INO80: variants seen among roughly 807,000 people sequenced by gnomAD.
INO80 encodes the protein INO80 complex ATPase subunit.
A neutral mutation model predicts 203.4 loss-of-function variants in INO80; 20 were observed. The ratio of observed to expected loss-of-function variants is 0.10; its 90% confidence interval spans 0.07 to 0.14. The LOEUF (loss-of-function observed/expected upper bound fraction) is 0.14, where lower values mean the gene tolerates loss of function less well. INO80 is among the 10% of genes least tolerant of loss of function. The pLI is 1.00. For synonymous variants in INO80, 726 were observed against 685.2 expected, an observed-to-expected ratio of 1.06 and a Z score of -0.93; for missense variants, 1,419 against 1,914.4, an observed-to-expected ratio of 0.74 and a Z score of 4.83.
intron 30 of INO80, 111 bp downstream of exon 30, chr15:40,987,705 C>T (rs960061442): frequency 3.4e-5 from 36 of 1,044,520 alleles, no homozygotes; most frequent in South Asian, 6.6e-5. Flanking sequence ...ATTGTAGTTT[C>T]GTCAGGACCA....
chr15:41,022,397 T>C (rs1038506948), intron 25 of INO80, among the ~76,000 whole-genome samples: 1 of 152,182 alleles, frequency 6.6e-6, no homozygotes, highest in Non-Finnish European at 1.5e-5. Flanking sequence ...GCTGTCAGGT[T>C]TTGGTACACA....
chr15:40,990,965 G>A (rs938599990), intron 29 of INO80, among the ~76,000 whole-genome samples: 1 of 152,176 alleles, frequency 6.6e-6, no homozygotes, highest in Non-Finnish European at 1.5e-5. Flanking sequence ...ATCTTGAGCT[G>A]TCTAAGCTTG....
chr15:41,106,559 T>A (rs955079413), intron 1 of INO80, among the ~76,000 whole-genome samples: 8 of 150,170 alleles, frequency 5.3e-5, no homozygotes, highest in African/African-American at 2.0e-4. Context: ...AGCTTGAGTC[T>A]GGAAGGTCAT....
At chr15:41,082,212 T>C (rs1463133554) in intron 7 of INO80, among the ~76,000 whole-genome samples, 1 of 141,228 alleles carries the variant, frequency 7.1e-6, no homozygotes, top group African/African-American at 2.7e-5. Flanking sequence ...ATCGTACCAC[T>C]GCACTCCAGC....
intron 27 of INO80, 123 bp from the exon 28 acceptor site, chr15:41,005,810 G>A (rs2044032605): frequency 1.8e-6 from 1 of 544,676 alleles, no homozygotes; most frequent in Non-Finnish European, 3.3e-6. Context: ...ACCAGAATGG[G>A]GAGAGAGTAA....
At chr15:41,036,156 G>GGAAA (rs1555401559) in intron 24 of INO80, among the ~76,000 whole-genome samples, 1 of 32,138 alleles carries the variant, frequency 3.1e-5, no homozygotes. Flanking sequence ...ACTCTCTCTC[G>GGAAA]AAAAAAAAAA....
chr15:41,060,946 A>G (rs781676059), intron 14 of INO80, among the ~76,000 whole-genome samples: 9 of 152,232 alleles, frequency 5.9e-5, no homozygotes, highest in Non-Finnish European at 1.0e-4. Flanking sequence ...ACCGTATCAC[A>G]TGAATGAAAG....
intron 1 of INO80, among the ~76,000 whole-genome samples, chr15:41,109,972 G>A (rs1321597342): frequency 2.0e-5 from 3 of 150,920 alleles, no homozygotes; most frequent in African/African-American, 7.3e-5. Flanking sequence ...ATGGGTGGCT[G>A]TAATCCCAGC....
chr15:41,068,885 T>G (rs75275253), intron 14 of INO80, among the ~76,000 whole-genome samples: 3 of 151,736 alleles, frequency 2.0e-5, no homozygotes, highest in Non-Finnish European at 2.9e-5. Context: ...ACAAGACATG[T>G]ATTAAAAAAA....
chr15:41,058,544 T>C (rs1478016612), intron 16 of INO80, 95 bp downstream of exon 16: 2 of 1,126,812 alleles, frequency 1.8e-6, no homozygotes, highest in Non-Finnish European at 2.5e-6. Flanking sequence ...TATTCATATA[T>C]ACAAGTCTGT....
intron 26 of INO80, 125 bp from the exon 27 acceptor site, chr15:41,016,340 A>T: frequency 1.1e-6 from 1 of 896,680 alleles, no homozygotes; most frequent in Non-Finnish European, 1.7e-6. Flanking sequence ...AGATCAGAAA[A>T]GTGCTCTAAA....
At chr15:41,047,307 T>A (rs1596290492) in intron 23 of INO80, 101 bp downstream of exon 23, 2 of 783,086 alleles carry the variant, frequency 2.6e-6, no homozygotes, top group African/African-American at 3.5e-5. Flanking sequence ...TGACAAGTTC[T>A]CTAAGATGAT....
Position 41,020,974 on chromosome 15 carries a change from T to C in INO80, c.3200A>G (p.Gln1067Arg), listed in dbSNP as rs2044285512. 1.9e-6 allele frequency: 3 copies of C among 1,614,058 alleles called. No individual in the cohort carries two copies. The highest frequency in any genetic ancestry group is 3.3e-5 in the Admixed American group (2 of 60,006). Reference protein sequence around the residue: ...LAADWLNRRSQFFPEPAGGLW... With the variant: ...LAADWLNRRSRFFPEPAGGLW... The stretch of plus-strand genomic sequence containing the variant: ...ACCTCCAGCTGGCTCTGGGAAGAAC[T>C]GTGATCGTCTATTTAGCCAGTCTGC... The change falls in exon 26 of 36, where the codon CAG (glutamine) becomes CGG (arginine). Residue 1067 changes from glutamine to arginine, a missense_variant. Coordinates refer to ENST00000648947, the MANE Select transcript of INO80 (RefSeq NM_017553.3).
chr15:41,006,886 G>A (rs1444003018), intron 27 of INO80, among the ~76,000 whole-genome samples: 1 of 152,198 alleles, frequency 6.6e-6, no homozygotes, highest in East Asian at 1.9e-4. Flanking sequence ...AAAATAAAGT[G>A]AGCTTCAAGT....
chr15:41,037,306 G>A lies in INO80; in HGVS notation c.2907+7598C>T, dbSNP rs148196345. On this transcript the variant is annotated intron_variant, in intron 24 of 35. Coordinates refer to ENST00000648947, the MANE Select transcript of INO80 (RefSeq NM_017553.3). The stretch of plus-strand genomic sequence containing the variant: ...GGAAACTACCTGAGGTCAGGAGTTC[G>A]AGATCAGCCTGGCTAACATGGTGAA... Among the ~76,000 whole-genome samples, 14 of 151,774 alleles carry A rather than the reference G, an allele frequency of 9.2e-5. No homozygotes were observed. The East Asian group carries it at 2.7e-3, about 29-fold the overall frequency.
chr15:41,087,000 C>A (rs1443504075), intron 6 of INO80, among the ~76,000 whole-genome samples: 1 of 152,128 alleles, frequency 6.6e-6, no homozygotes, highest in Non-Finnish European at 1.5e-5. Context: ...AAACCTTTAG[C>A]TAGGAATCTG....
intron 25 of INO80, among the ~76,000 whole-genome samples, chr15:41,022,992 T>G (rs1199218870): frequency 2.0e-5 from 3 of 151,702 alleles, no homozygotes; most frequent in Non-Finnish European, 2.9e-5. Flanking sequence ...TCCCAGATAG[T>G]TGGGAGGCTG....
chr15:41,078,341 C>T (rs1738539399), intron 9 of INO80, among the ~76,000 whole-genome samples: 1 of 152,144 alleles, frequency 6.6e-6, no homozygotes, highest in Non-Finnish European at 1.5e-5. Flanking sequence ...CATCAGTTAG[C>T]TATCAACATA....
rs969626997 is a variant in INO80 at position 40,981,461 on chromosome 15, T to TATACTTCATATTTCCTCTATC, written c.4454-1042_4454-1022dup. Among the ~76,000 whole-genome samples the TATACTTCATATTTCCTCTATC allele has an allele frequency of 2.7e-3, 412 of 152,350 alleles. 3 individuals are homozygous for TATACTTCATATTTCCTCTATC. The highest frequency in any genetic ancestry group is 0.013 in the South Asian group (65 of 4,830). On this transcript the variant is annotated intron_variant, in intron 35 of 35. Transcript: ENST00000648947. ...GCTAAGAAACACTGGGCGAGGCTAT[T>TATACTTCATATTTCCTCTATC]ATACTTCATATTTCCTCTATCATAC...
Sources: gnomAD v4.1 joint callset for allele counts (sites outside exome capture counted in the v4.1 genomes callset) on GRCh38, gnomAD v4.1.1 for gene constraint, MANE v1.5 for transcripts, NCBI Gene and HGNC (gene_info 2026-07-23, HGNC 2026-07-21) for gene names.